ADAMTS18: variants seen among roughly 807,000 people sequenced by gnomAD.
The protein encoded by ADAMTS18 is ADAM metallopeptidase with thrombospondin type 1 motif 18, also known as A disintegrin and metalloproteinase with thrombospondin motifs 18.
ADAMTS18 carries 157 observed loss-of-function variants against 165.9 expected under a neutral mutation model. The ratio of observed to expected loss-of-function variants is 0.95; its 90% confidence interval spans 0.83 to 1.08. The LOEUF (loss-of-function observed/expected upper bound fraction) is 1.08, where lower values mean the gene tolerates loss of function less well. Among genes scored for constraint, ADAMTS18 ranks in the 50% least tolerant of loss-of-function variants. The pLI, the probability that ADAMTS18 is intolerant of heterozygous loss-of-function variation, is 0.00. For synonymous variants in ADAMTS18, 782 were observed against 578.2 expected (o/e 1.35, Z -5.06); for missense variants, 2,040 against 1,534.0 (o/e 1.33, Z -5.51).
At chr16:77,317,594 T>G (rs1460680652) in intron 16 of ADAMTS18, among the ~76,000 whole-genome samples, 1 of 152,174 alleles carries the variant, frequency 6.6e-6, no homozygotes, top group Non-Finnish European at 1.5e-5. Context: ...TCGGGTGATT[T>G]CCTAATGTGT....
At chr16:77,303,004 CCAA>C (rs1253752107) in intron 16 of ADAMTS18, among the ~76,000 whole-genome samples, 1 of 152,178 alleles carries the variant, frequency 6.6e-6, no homozygotes, top group African/African-American at 2.4e-5. Flanking sequence ...ATCAATGCAA[CCAA>C]CAAGAAGGGA....
Position 77,367,431 on chromosome 16 carries a change from C to T in ADAMTS18, c.778+10G>A. The T allele has an allele frequency of 6.2e-7, 1 of 1,614,084 alleles. No homozygotes were observed. The highest frequency in any genetic ancestry group is 8.5e-7 in the Non-Finnish European group (1 of 1,180,024). On this transcript the variant is annotated intron_variant, in intron 4 of 22. Transcript: ENST00000282849. ...ATAAGAACAGAAAAAGAAAAAGTTT[C>T]CTTACATACATTTCTTGCGTCGTCC...
intron 12 of ADAMTS18, among the ~76,000 whole-genome samples, chr16:77,330,969 C>A (rs1004677912): frequency 4.6e-5 from 7 of 152,148 alleles, no homozygotes; most frequent in Admixed American, 3.9e-4. Flanking sequence ...GAAATAAGAA[C>A]AGAGACAGAA....
chr16:77,392,742 A>C (rs540841730), intron 3 of ADAMTS18, among the ~76,000 whole-genome samples: 2 of 152,268 alleles, frequency 1.3e-5, no homozygotes, highest in East Asian at 3.9e-4. Flanking sequence ...CTCTGTCCTG[A>C]TGGAATTTAC....
At position 77,318,456 on chromosome 16, in the gene ADAMTS18, G is replaced by A. The variant is rs142718998; in HGVS notation, c.2532+1393C>T. Among the ~76,000 whole-genome samples the A allele has an allele frequency of 3.9e-5, 6 of 152,288 alleles. No homozygotes were observed. The East Asian group carries it at 1.2e-3, about 29-fold the overall frequency. On this transcript the variant is annotated intron_variant, in intron 16 of 22. Transcript: ENST00000282849. ...CTTACATGTAACACAGTCTGTTTAA[G>A]GCTCGGTTTTCTCATCTGTACAATG...
chr16:77,433,757 G>C (rs1203147847), intron 2 of ADAMTS18, among the ~76,000 whole-genome samples: 2 of 152,182 alleles, frequency 1.3e-5, no homozygotes, highest in Non-Finnish European at 2.9e-5. Context: ...TCCTGTAGCT[G>C]ATGGGAAACA....
intron 7 of ADAMTS18, among the ~76,000 whole-genome samples, chr16:77,360,977 T>A (rs533190746): frequency 1.3e-5 from 2 of 152,010 alleles, no homozygotes; most frequent in African/African-American, 4.8e-5. Context: ...ACCCAGCTAC[T>A]CTGGAGGCTG....
chr16:77,375,308 AC>A (rs1213927352), intron 3 of ADAMTS18, among the ~76,000 whole-genome samples: 1 of 151,680 alleles, frequency 6.6e-6, no homozygotes, highest in Non-Finnish European at 1.5e-5. Context: ...AGGCATGAAA[AC>A]CCGTCTTTAC....
At chr16:77,381,570 G>A (rs150074703) in intron 3 of ADAMTS18, among the ~76,000 whole-genome samples, 6,003 of 152,214 alleles carry the variant, frequency 0.039, 353 homozygotes, top group African/African-American at 0.13. Context: ...TTGGGAGGCC[G>A]CGGCAGGTGG....
At chr16:77,384,460 G>GT (rs1597206809) in intron 3 of ADAMTS18, among the ~76,000 whole-genome samples, 2 of 152,164 alleles carry the variant, frequency 1.3e-5, no homozygotes, top group African/African-American at 2.4e-5. Context: ...AGGTACTGGC[G>GT]TGACACTCAA....
At chr16:77,419,154 G>GAAA (rs72526079) in intron 3 of ADAMTS18, among the ~76,000 whole-genome samples, 83 of 151,642 alleles carry the variant, frequency 5.5e-4, no homozygotes, top group African/African-American at 1.9e-3. Context: ...ATCTCAGGGG[G>GAAA]AAAAAAAATC....
intron 22 of ADAMTS18, among the ~76,000 whole-genome samples, chr16:77,285,849 C>A (rs2055239880): frequency 6.6e-6 from 1 of 152,160 alleles, no homozygotes. Context: ...TTCAGTACTG[C>A]CACTGCTCTA....
rs185617863 is a variant in ADAMTS18 at position 77,408,439 on chromosome 16, C to G, written c.495+22856G>C. Among the ~76,000 whole-genome samples, 351 of 152,052 alleles carry G rather than the reference C, an allele frequency of 2.3e-3. 1 individual carries two copies. Among genetic ancestry groups the G allele is most frequent in the Non-Finnish European group, 2.9e-3 (199 of 67,938 alleles). On this transcript the variant is annotated intron_variant, in intron 3 of 22. Coordinates refer to ENST00000282849, the MANE Select transcript of ADAMTS18 (RefSeq NM_199355.4). ...AGCATTATTTGTAATATCCCCAAACCAGAAACAACCCAAATGTCTGTCAAC... is the reference window on the plus strand; with the variant it reads ...AGCATTATTTGTAATATCCCCAAACGAGAAACAACCCAAATGTCTGTCAAC...
chr16:77,327,019 A>C (rs1567484996), intron 12 of ADAMTS18, among the ~76,000 whole-genome samples: 1 of 152,214 alleles, frequency 6.6e-6, no homozygotes, highest in Non-Finnish European at 1.5e-5. Flanking sequence ...ACAGCAAAGG[A>C]CATGATCTCA....
chr16:77,426,992 T>G (rs867688966), intron 3 of ADAMTS18, among the ~76,000 whole-genome samples: 46 of 152,294 alleles, frequency 3.0e-4, no homozygotes, highest in South Asian at 8.3e-4. Context: ...CAAGCCCAGA[T>G]GACAGAGTAA....
At chr16:77,405,388 T>G (rs568588179) in intron 3 of ADAMTS18, among the ~76,000 whole-genome samples, 9 of 152,272 alleles carry the variant, frequency 5.9e-5, no homozygotes, top group African/African-American at 1.9e-4. Context: ...TGATCATCAA[T>G]AGGACAGATT....
chr16:77,399,433 A>G (rs1170134490), intron 3 of ADAMTS18, among the ~76,000 whole-genome samples: 1 of 152,178 alleles, frequency 6.6e-6, no homozygotes, highest in African/African-American at 2.4e-5. Context: ...TTATCTCTTA[A>G]AAGAAAGCCT....
intron 20 of ADAMTS18, among the ~76,000 whole-genome samples, chr16:77,292,173 A>G (rs929053357): frequency 1.3e-5 from 2 of 152,138 alleles, no homozygotes; most frequent in Non-Finnish European, 2.9e-5. Flanking sequence ...AAAATTAGCC[A>G]GGTATAGTGG....
chr16:77,394,941 T>G (rs2057237356), intron 3 of ADAMTS18, among the ~76,000 whole-genome samples: 1 of 152,164 alleles, frequency 6.6e-6, no homozygotes, highest in Non-Finnish European at 1.5e-5. Flanking sequence ...AAGTTACAAG[T>G]CCATGTTCCT....
Sources: gnomAD v4.1 joint callset for allele counts (sites outside exome capture counted in the v4.1 genomes callset) on GRCh38, gnomAD v4.1.1 for gene constraint, MANE v1.5 for transcripts, NCBI Gene and HGNC (gene_info 2026-07-23, HGNC 2026-07-21) for gene names.